The following EXOC3L4 variants were observed in gnomAD, a reference collection of about 807,000 sequenced individuals.
The protein encoded by EXOC3L4 is exocyst complex component 3-like protein 4.
In EXOC3L4, 62 loss-of-function variants were observed where a neutral mutation model predicts 69.7. The ratio of observed to expected loss-of-function variants is 0.89; its 90% confidence interval spans 0.72 to 1.10. EXOC3L4 has a LOEUF of 1.10. Among genes scored for constraint, EXOC3L4 ranks in the 50% least tolerant of loss-of-function variants. The pLI is 0.00. For missense variants in EXOC3L4, 1,087 were observed against 1,034.8 expected (o/e 1.05, Z -0.69); for synonymous variants, 502 against 464.2 (o/e 1.08, Z -1.05).
intron 2 of EXOC3L4, among the ~76,000 whole-genome samples, chr14:103,101,157 A>G (rs1412532067): frequency 6.6e-6 from 1 of 151,936 alleles, no homozygotes; most frequent in East Asian, 1.9e-4. Flanking sequence ...CCGCCCCCTC[A>G]GCCTCCCAAA....
At position 103,103,981 on chromosome 14, in the gene EXOC3L4, G is replaced by A. The variant is rs1413299495; in HGVS notation, c.1090G>A (p.Glu364Lys). The A allele has an allele frequency of 3.2e-6, 5 of 1,564,926 alleles. No homozygotes were observed. The highest frequency in any genetic ancestry group is 1.4e-5 in the African/African-American group (1 of 73,896). The change falls in exon 4 of 12, where the codon GAG (glutamate) becomes AAG (lysine). Residue 364 changes from glutamate (E) to lysine (K), a missense_variant. Physicochemically the swap from Glu to Lys is moderately conservative, Grantham distance 56. Coordinates refer to ENST00000688303, the MANE Select transcript of EXOC3L4 (RefSeq NM_001077594.2). ...CGCCCCGGGGCTGGCGCTGCCCGCC[G>A]AGCCGCTGCCTCCGCTCCTGGCGCC... is the stretch of plus-strand genomic sequence containing the variant. The part of the protein sequence containing the change: ...LGAPGLALPA[E>K]PLPPLLAPDV...
At chr14:103,096,355 G>A (rs1183189897) in intron 1 of EXOC3L4, among the ~76,000 whole-genome samples, 1 of 147,720 alleles carries the variant, frequency 6.8e-6, no homozygotes, top group Admixed American at 6.9e-5. Context: ...GCGAGACCTC[G>A]TCTCTAAAAA....
At chr14:103,096,203 A>C (rs1475643211) in intron 1 of EXOC3L4, among the ~76,000 whole-genome samples, 3 of 152,062 alleles carry the variant, frequency 2.0e-5, no homozygotes, top group Non-Finnish European at 4.4e-5. Flanking sequence ...AAAATATAAA[A>C]ATTAGCCAGG....
At chr14:103,107,820 T>C (rs1451741301) in intron 10 of EXOC3L4, 37 bp downstream of exon 10, 1 of 1,476,248 alleles carries the variant, frequency 6.8e-7, no homozygotes, top group African/African-American at 1.4e-5. Context: ...TGCTCGCCTC[T>C]GTGTGGGGAG....
In EXOC3L4 at chr14:103,107,505, G is replaced by A. The variant is rs150993709; in HGVS notation, c.1663G>A (p.Ala555Thr). 144 of 1,613,604 alleles carry A rather than the reference G, an allele frequency of 8.9e-5. No homozygotes were observed. The highest frequency in any genetic ancestry group is 1.1e-4 in the African/African-American group (8 of 74,932). Residue 555 changes from alanine (A) to threonine (T), a missense_variant, in exon 9 of 12, where the codon GCC becomes ACC. Physicochemically the swap from Ala to Thr is moderately conservative, Grantham distance 58. Coordinates refer to ENST00000688303, the MANE Select transcript of EXOC3L4 (RefSeq NM_001077594.2). The part of the protein sequence containing the change: ...HPLMDKVVTF[A>T]GHLQRVARPR... Reference sequence around the variant, plus strand: ...CCTCATGGACAAGGTGGTGACCTTCGCCGGTCATCTCCAGCGTGTGGCCCG... The same window carrying A: ...CCTCATGGACAAGGTGGTGACCTTCACCGGTCATCTCCAGCGTGTGGCCCG...
chr14:103,102,369 C>G lies in EXOC3L4; in HGVS notation c.646C>G (p.Arg216Gly), dbSNP rs202097758. The change falls in exon 3 of 12, where the codon CGC becomes GGC. Residue 216 changes from arginine (R) to glycine (G), a missense_variant. Coordinates refer to ENST00000688303, the MANE Select transcript of EXOC3L4 (RefSeq NM_001077594.2). The part of the protein sequence containing the change: ...VDAAALAELA[R>G]VVSAEEEAHP... ...CGCGGCCGCGCTGGCCGAGCTGGCC[C>G]GCGTGGTGAGCGCGGAGGAGGAAGC... 1 of 1,561,438 alleles carries G rather than the reference C, an allele frequency of 6.4e-7. No individual in the cohort carries two copies. The highest frequency in any genetic ancestry group is 1.8e-5 in the Admixed American group (1 of 55,070).
Position 103,104,354 on chromosome 14 carries a change from C to G in EXOC3L4, c.1249C>G (p.Leu417Val), listed in dbSNP as rs1890408369. ...CGAGGTCCCCGAGGTGCTGCAGGGCCTCTACCAGGCGCCGCTGTCCATGGA... is the reference window on the plus strand; with the variant it reads ...CGAGGTCCCCGAGGTGCTGCAGGGCGTCTACCAGGCGCCGCTGTCCATGGA... ...AAEVPEVLQG[L>V]YQAPLSMDVH... Residue 417 changes from leucine (L) to valine (V), a missense_variant, in exon 5 of 12, where the codon CTC (leucine) becomes GTC (valine). Leu to Val is a conservative substitution (Grantham distance 32). Coordinates refer to ENST00000688303, the MANE Select transcript of EXOC3L4 (RefSeq NM_001077594.2). 1.9e-6 allele frequency: 3 copies of G among 1,588,368 alleles called. No homozygotes were observed. Among genetic ancestry groups the G allele is most frequent in the Admixed American group, 1.7e-5 (1 of 57,184 alleles).
At chr14:103,106,306 G>T (rs1890544643) in intron 7 of EXOC3L4, among the ~76,000 whole-genome samples, 1 of 152,216 alleles carries the variant, frequency 6.6e-6, no homozygotes, top group East Asian at 1.9e-4. Flanking sequence ...GGACCCTGGG[G>T]TTTCAGCTCC....
At chr14:103,104,207 C>A in intron 4 of EXOC3L4, 60 bp from the exon 5 acceptor site, 1 of 1,482,682 alleles carries the variant, frequency 6.7e-7, no homozygotes, top group Non-Finnish European at 9.0e-7. Flanking sequence ...GCCCTCATCC[C>A]GGACGGCGCG....
rs369448990 is a variant in EXOC3L4, at chr14:103,102,654, G to A, written c.931G>A (p.Val311Ile). The A allele has an allele frequency of 2.1e-4, 311 of 1,500,510 alleles. No individual in the cohort carries two copies. The highest frequency in any genetic ancestry group is 2.6e-4 in the Non-Finnish European group (296 of 1,130,868). 92.9% of individuals were successfully genotyped at this position (1,500,510 alleles called of 1,614,324 possible). ...GGCGGCCGGCTTCCCAGCGTGGGAG[G>A]TCTATCTGCGTGCCTTCCACAGCGC... is the stretch of plus-strand genomic sequence containing the variant. ...YAAAGFPAWE[V>I]YLRAFHSAVA... Residue 311 changes from valine to isoleucine, a missense_variant, in exon 3 of 12, where the codon GTC becomes ATC. Coordinates refer to ENST00000688303, the MANE Select transcript of EXOC3L4 (RefSeq NM_001077594.2).
At position 103,110,329 on chromosome 14, in the gene EXOC3L4, AC is replaced by A; in HGVS notation, c.*107del. 7.5e-7 allele frequency: 1 copy of A among 1,327,078 alleles called. No homozygotes were observed. Among genetic ancestry groups the A allele is most frequent in the Non-Finnish European group, 1.0e-6 (1 of 958,730 alleles). The allele number at this position is 1,327,078 out of a possible 1,614,324, so 82.2% of individuals were successfully genotyped here. ...TCTGGGCCCTGCCCCCAACTCTGAC[AC>A]TGCAGTTAGGGAATTTTTGTCGTCA... On this transcript the variant is annotated 3_prime_UTR_variant, in exon 12 of 12. Transcript: ENST00000688303.
At chr14:103,096,789 C>T (rs1889908561) in intron 1 of EXOC3L4, among the ~76,000 whole-genome samples, 1 of 152,154 alleles carries the variant, frequency 6.6e-6, no homozygotes, top group African/African-American at 2.4e-5. Context: ...TGGCCAACGA[C>T]CGTCTAAGTG....
At position 103,100,480 on chromosome 14, in the gene EXOC3L4, C is replaced by G. The variant is rs1890115751; in HGVS notation, c.261C>G (p.Phe87Leu). The change falls in exon 2 of 12, where the codon TTC (phenylalanine) becomes TTG (leucine). Residue 87 changes from phenylalanine (F) to leucine (L), a missense_variant. Coordinates refer to ENST00000688303, the MANE Select transcript of EXOC3L4 (RefSeq NM_001077594.2). ...GCTCCTGCTCCCTGTTCCGGTCCTTCCGGCAAGCCCTGAATGACGGCCCAG... is the reference window on the plus strand; with the variant it reads ...GCTCCTGCTCCCTGTTCCGGTCCTTGCGGCAAGCCCTGAATGACGGCCCAG... The part of the protein sequence containing the change: ...RRSSCSLFRS[F>L]RQALNDGPAT... 1 of 1,613,384 alleles carries G rather than the reference C, an allele frequency of 6.2e-7. No individual in the cohort carries two copies. The highest frequency in any genetic ancestry group is 2.2e-5 in the East Asian group (1 of 44,884).
intron 1 of EXOC3L4, among the ~76,000 whole-genome samples, chr14:103,099,690 A>C (rs1890067004): frequency 6.6e-6 from 1 of 152,148 alleles, no homozygotes; most frequent in Non-Finnish European, 1.5e-5. Context: ...CCGTTGAGCC[A>C]AAGTAGTCAG....
chr14:103,104,175 G>T (rs947559270), intron 4 of EXOC3L4, 92 bp from the exon 5 acceptor site: 2 of 1,447,868 alleles, frequency 1.4e-6, no homozygotes, highest in Admixed American at 2.7e-5. Flanking sequence ...CCCCCGGCGC[G>T]GGCTTGTGAC....
At chr14:103,107,859 G>C in intron 10 of EXOC3L4, 76 bp downstream of exon 10, 2 of 1,446,194 alleles carry the variant, frequency 1.4e-6, no homozygotes, top group Admixed American at 5.5e-5. Flanking sequence ...CCTTAGCGCC[G>C]GGAGGGCTTT....
chr14:103,096,928 A>G (rs867039240), intron 1 of EXOC3L4, among the ~76,000 whole-genome samples: 1 of 152,198 alleles, frequency 6.6e-6, no homozygotes, highest in African/African-American at 2.4e-5. Flanking sequence ...CAAGCCCCGC[A>G]CAGGGCTTCG....
At chr14:103,103,803 T>TGG in intron 3 of EXOC3L4, 138 bp from the exon 4 acceptor site, 1 of 541,052 alleles carries the variant, frequency 1.8e-6, no homozygotes, top group South Asian at 2.2e-5. Flanking sequence ...CGCGCGTGTG[T>TGG]GTGTGTGTGT....
upstream of EXOC3L4, among the ~76,000 whole-genome samples, chr14:103,094,369 T>C (rs532574717): frequency 1.3e-4 from 19 of 151,870 alleles, no homozygotes; most frequent in African/African-American, 4.6e-4. Flanking sequence ...GAGGGAGGGG[T>C]CCTTCTGGGC....
Sources: allele counts gnomAD v4.1 joint callset (sites outside exome capture counted in the v4.1 genomes callset), GRCh38; gene constraint gnomAD v4.1.1; transcripts MANE v1.5; gene names NCBI Gene and HGNC (gene_info 2026-07-23, HGNC 2026-07-21).